The following USP13 variants were observed in gnomAD, a reference collection of about 807,000 sequenced individuals.
USP13 encodes the protein ubiquitin carboxyl-terminal hydrolase 13.
USP13 carries 68 observed loss-of-function variants against 107.8 expected under a neutral mutation model. That is an observed-to-expected ratio of 0.63 (90% CI 0.52 to 0.77). The LOEUF is 0.77. USP13 is among the 30% of genes least tolerant of loss of function. USP13 has a pLI of 0.00. For synonymous variants in USP13, 377 were observed against 389.5 expected (o/e 0.97, Z 0.38); for missense variants, 945 against 1,093.3 (o/e 0.86, Z 1.91).
chr3:179,656,137 C>T (rs1165244299), intron 1 of USP13, among the ~76,000 whole-genome samples: 2 of 152,126 alleles, frequency 1.3e-5, no homozygotes, highest in Non-Finnish European at 2.9e-5. Flanking sequence ...CATTCAAGGC[C>T]AGGGAAATTA....
At chr3:179,685,643 A>AG (rs1450310783) in intron 2 of USP13, among the ~76,000 whole-genome samples, 32 of 152,026 alleles carry the variant, frequency 2.1e-4, no homozygotes, top group African/African-American at 7.2e-4. Context: ...AAAAAAAAAA[A>AG]AAAAGAAAGA....
intron 1 of USP13, among the ~76,000 whole-genome samples, chr3:179,659,234 A>G (rs1393759364): frequency 2.6e-5 from 4 of 152,146 alleles, no homozygotes; most frequent in Non-Finnish European, 4.4e-5. Context: ...ATCTCCATCT[A>G]CTTGTGGGAA....
chr3:179,668,384 T>C (rs1720646984), intron 1 of USP13, among the ~76,000 whole-genome samples: 1 of 152,252 alleles, frequency 6.6e-6, no homozygotes, highest in African/African-American at 2.4e-5. Flanking sequence ...TATACTCTCC[T>C]GGGATTACAT....
chr3:179,710,693 T>C (rs1461874377), intron 6 of USP13, among the ~76,000 whole-genome samples: 1 of 152,250 alleles, frequency 6.6e-6, no homozygotes, highest in Non-Finnish European at 1.5e-5. Context: ...AGGTGATTTC[T>C]TTGTTGTGTG....
At chr3:179,781,931 TG>T in intron 20 of USP13, 108 bp downstream of exon 20, 1 of 1,025,496 alleles carries the variant, frequency 9.8e-7, no homozygotes, top group Non-Finnish European at 1.5e-6. Context: ...GTTCTCACAT[TG>T]GTCTTGTAAA....
At position 179,755,438 on chromosome 3, in the gene USP13, G is replaced by A. The variant is rs892186236; in HGVS notation, c.1921+584G>A. Among the ~76,000 whole-genome samples the A allele has an allele frequency of 7.2e-5, 11 of 152,234 alleles. No homozygotes were observed. In the East Asian group the frequency reaches 2.1e-3, roughly 29 times the overall value. On this transcript the variant is annotated intron_variant, in intron 15 of 20. Transcript: ENST00000263966. ...GCCTCACGAGTAGCTGGGACTACAG[G>A]CGCGTGCCACCATGCCTGCTTAATT...
At chr3:179,681,139 G>A (rs1576920923) in intron 1 of USP13, among the ~76,000 whole-genome samples, 1 of 152,200 alleles carries the variant, frequency 6.6e-6, no homozygotes, top group East Asian at 1.9e-4. Context: ...GCTGTCCATA[G>A]GAGCACTTGG....
At chr3:179,783,402 A>C (rs1366295114) in intron 20 of USP13, among the ~76,000 whole-genome samples, 1 of 152,258 alleles carries the variant, frequency 6.6e-6, no homozygotes, top group Non-Finnish European at 1.5e-5. Flanking sequence ...TGCAGAGTGC[A>C]TACAATTTTT....
At chr3:179,681,212 G>A (rs1711641759) in intron 1 of USP13, among the ~76,000 whole-genome samples, 2 of 152,170 alleles carry the variant, frequency 1.3e-5, no homozygotes, top group Admixed American at 1.3e-4. Context: ...AGTCATTGAT[G>A]ATGACTACAG....
chr3:179,695,531 C>T (rs1712292443), intron 3 of USP13, among the ~76,000 whole-genome samples: 1 of 150,212 alleles, frequency 6.7e-6, no homozygotes. Flanking sequence ...GCTTTTGCTG[C>T]TATTTTTTTT....
chr3:179,759,230 C>G (rs1287812325), intron 16 of USP13, among the ~76,000 whole-genome samples: 1 of 152,142 alleles, frequency 6.6e-6, no homozygotes, highest in African/African-American at 2.4e-5. Context: ...ATCTGCCCGC[C>G]TTGGCCTCCC....
In USP13 at chr3:179,742,153, T is replaced by C; in HGVS notation, c.1381-44T>C. 6.2e-7 allele frequency: 1 copy of C among 1,612,012 alleles called. No individual in the cohort carries two copies. Among genetic ancestry groups the C allele is most frequent in the Non-Finnish European group, 8.5e-7 (1 of 1,178,312 alleles). On this transcript the variant is annotated intron_variant, in intron 11 of 20. Transcript: ENST00000263966. This position sits in a 1 kb window ranked among gnomAD's most constrained non-coding sequence, Gnocchi z 5.0. ...TCATTTTCTACTAAGTCTTAGTGGC[T>C]CAATATTCATACATTTACTAACCTG...
intron 10 of USP13, among the ~76,000 whole-genome samples, chr3:179,739,740 A>G (rs1025511913): frequency 2.0e-5 from 3 of 151,982 alleles, no homozygotes; most frequent in African/African-American, 4.8e-5. Flanking sequence ...TGTATTTTTA[A>G]TAGAGACAGG....
chr3:179,667,451 G>A (rs987315175), intron 1 of USP13, among the ~76,000 whole-genome samples: 11 of 152,182 alleles, frequency 7.2e-5, no homozygotes, highest in African/African-American at 1.7e-4. Flanking sequence ...TGTTGACAAG[G>A]TGGTTTCACA....
At chr3:179,777,511 G>T (rs1226869999) in intron 19 of USP13, among the ~76,000 whole-genome samples, 1 of 148,272 alleles carries the variant, frequency 6.7e-6, no homozygotes, top group African/African-American at 2.5e-5. Context: ...GGAGTACAGT[G>T]GTGCGATCTC....
chr3:179,661,598 C>G (rs1487703651), intron 1 of USP13, among the ~76,000 whole-genome samples: 1 of 151,768 alleles, frequency 6.6e-6, no homozygotes. Flanking sequence ...ATTCTAATCT[C>G]TTGCCTGGAA....
At chr3:179,707,413 C>G (rs12630150) in intron 5 of USP13, among the ~76,000 whole-genome samples, 27,394 of 151,964 alleles carry the variant, frequency 0.18, 2,591 homozygotes, top group Admixed American at 0.24. Flanking sequence ...CCTCCTGGAG[C>G]AGCCCTAAAC....
intron 13 of USP13, among the ~76,000 whole-genome samples, chr3:179,746,387 G>A (rs1714408837): frequency 6.6e-6 from 1 of 151,578 alleles, no homozygotes; most frequent in African/African-American, 2.4e-5. Context: ...CTGAGTAGCT[G>A]GGAATGCAGG....
At chr3:179,665,753 T>A (rs146097870) in intron 1 of USP13, among the ~76,000 whole-genome samples, 1 of 152,070 alleles carries the variant, frequency 6.6e-6, no homozygotes, top group Non-Finnish European at 1.5e-5. Context: ...GCCCAGCTAA[T>A]TTTTGTATTT....
Sources: gnomAD v4.1 joint callset for allele counts (sites outside exome capture counted in the v4.1 genomes callset) on GRCh38, gnomAD v4.1.1 for gene constraint, Gnocchi (gnomAD v3.1) non-coding constraint, MANE v1.5 for transcripts, NCBI Gene and HGNC (gene_info 2026-07-23, HGNC 2026-07-21) for gene names.